The following KANK1 variants were observed in gnomAD, a reference collection of about 807,000 sequenced individuals.
KANK1 encodes KN motif and ankyrin repeat domains 1.
Under a neutral mutation model 106.2 loss-of-function variants are expected in KANK1, and 109 were observed. The ratio of observed to expected loss-of-function variants is 1.03; its 90% confidence interval spans 0.88 to 1.20. KANK1 has a LOEUF of 1.20. Ranked by LOEUF, KANK1 falls within the 50% of genes most tolerant of loss-of-function variation. KANK1 has a pLI of 0.00. For missense variants in KANK1, 2,399 were observed against 1,710.7 expected (o/e 1.40, Z -7.10); for synonymous variants, 873 against 652.2 (o/e 1.34, Z -5.16).
chr9:732,163 C>T, intron 5 of KANK1: 1 of 474,198 alleles, frequency 2.1e-6, no homozygotes, highest in Non-Finnish European at 3.8e-6. Flanking sequence ...TTACATGATA[C>T]CAATTGGTTA....
intron 1 of KANK1, among the ~76,000 whole-genome samples, chr9:589,541 G>GA (rs1824316783): frequency 6.6e-6 from 1 of 152,010 alleles, no homozygotes; most frequent in African/African-American, 2.4e-5. Context: ...GAGTCATAAA[G>GA]AAAGGGAAAA....
chr9:494,858 A>G (rs1022720120), intron 3 of KANK1, among the ~76,000 whole-genome samples: 2 of 151,980 alleles, frequency 1.3e-5, no homozygotes, highest in South Asian at 4.1e-4. Context: ...TTAGCTGGGC[A>G]GTGTAGTGAA....
At chr9:627,595 T>A (rs1588381142) in intron 1 of KANK1, among the ~76,000 whole-genome samples, 2 of 152,054 alleles carry the variant, frequency 1.3e-5, no homozygotes, top group Admixed American at 1.3e-4. Context: ...CCTTTTATCT[T>A]GTTTAATACA....
chr9:661,710 A>G (rs1320664433), intron 1 of KANK1, among the ~76,000 whole-genome samples: 4 of 152,166 alleles, frequency 2.6e-5, no homozygotes, highest in African/African-American at 4.8e-5. Context: ...ACTGTCTTTT[A>G]CAATGGTTGA....
chr9:730,214 C>G lies in KANK1; in HGVS notation c.2862C>G (p.Asn954Lys). ...PTQEGTLSPV[N>K]LTDDQIAAGL... ...AGGAAGGTACGCTGTCTCCAGTGAA[C>G]CTGACAGACGACCAGATCGCCGCTG... The change falls in exon 4 of 12, where the codon AAC becomes AAG. Residue 954 changes from asparagine to lysine, a missense_variant. Transcript: ENST00000382297. 6.2e-7 allele frequency: 1 copy of G among 1,614,192 alleles called. No individual in the cohort carries two copies. The highest frequency in any genetic ancestry group is 8.5e-7 in the Non-Finnish European group (1 of 1,180,032).
At chr9:481,404 C>G (rs2058201515) in intron 3 of KANK1, among the ~76,000 whole-genome samples, 1 of 152,194 alleles carries the variant, frequency 6.6e-6, no homozygotes, top group South Asian at 2.1e-4. Flanking sequence ...CTAGCAAATC[C>G]TTAAGCCTTC....
At chr9:656,509 G>T (rs1157557620) in intron 1 of KANK1, among the ~76,000 whole-genome samples, 1 of 152,068 alleles carries the variant, frequency 6.6e-6, no homozygotes, top group Non-Finnish European at 1.5e-5. Flanking sequence ...GCCTGTCATT[G>T]GTCAGTCTGT....
At chr9:580,714 G>A (rs1187930202) in intron 1 of KANK1, among the ~76,000 whole-genome samples, 4 of 152,254 alleles carry the variant, frequency 2.6e-5, no homozygotes, top group African/African-American at 9.6e-5. Flanking sequence ...TTCACCTAGT[G>A]GATCCCGCAC....
intron 1 of KANK1, among the ~76,000 whole-genome samples, chr9:613,327 A>G (rs1473174988): frequency 2.0e-5 from 3 of 151,016 alleles, no homozygotes; most frequent in Non-Finnish European, 4.4e-5. Context: ...AGCTGTAACA[A>G]TCGTTGCTGG....
chr9:661,577 A>G (rs182707510), intron 1 of KANK1, among the ~76,000 whole-genome samples: 8,092 of 152,026 alleles, frequency 0.053, 234 homozygotes, highest in African/African-American at 0.066. Flanking sequence ...TAGTGCCGCA[A>G]TAAACATACA....
At chr9:569,459 G>C (rs2134746621) in intron 1 of KANK1, among the ~76,000 whole-genome samples, 1 of 152,082 alleles carries the variant, frequency 6.6e-6, no homozygotes, top group East Asian at 1.9e-4. Flanking sequence ...ACCTGAGCTA[G>C]CACACTCGGC....
At chr9:631,230 G>C (rs996049670) in intron 1 of KANK1, among the ~76,000 whole-genome samples, 15 of 152,114 alleles carry the variant, frequency 9.9e-5, no homozygotes, top group African/African-American at 3.6e-4. Context: ...ATATAGTACA[G>C]CCTATGCCCA....
chr9:649,542 G>C (rs1840425408), intron 1 of KANK1, among the ~76,000 whole-genome samples: 1 of 152,210 alleles, frequency 6.6e-6, no homozygotes, highest in South Asian at 2.1e-4. Context: ...TAAGTAAGTA[G>C]TGCCTGATTA....
rs146164167 is a variant in KANK1 at position 676,599 on chromosome 9, G to A, written c.-83-291G>A. On this transcript the variant is annotated intron_variant, in intron 1 of 11. Coordinates refer to ENST00000382297, the MANE Select transcript of KANK1 (RefSeq NM_015158.5). ...AGTGCTACACATTAGGAAGTCATTT[G>A]TATTTGGTGACCACTTTCCTAAAAT... 4.2e-3 allele frequency among the ~76,000 whole-genome samples: 637 copies of A among 152,288 alleles called. 3 individuals are homozygous for A. The highest frequency in any genetic ancestry group is 6.8e-3 in the Middle Eastern group (2 of 294).
chr9:684,761 T>G (rs1389762719), intron 2 of KANK1, among the ~76,000 whole-genome samples: 1 of 152,164 alleles, frequency 6.6e-6, no homozygotes, highest in Non-Finnish European at 1.5e-5. Flanking sequence ...TGTATGGGCT[T>G]AGAGGAAAAT....
intron 3 of KANK1, among the ~76,000 whole-genome samples, chr9:476,245 G>T (rs2058100281): frequency 2.6e-5 from 4 of 152,158 alleles, no homozygotes. Context: ...GTTAGGCCGG[G>T]CGTGGTGGCT....
intron 2 of KANK1, among the ~76,000 whole-genome samples, chr9:695,203 G>C (rs1017090718): frequency 6.6e-6 from 1 of 152,088 alleles, no homozygotes; most frequent in Non-Finnish European, 1.5e-5. Flanking sequence ...AGGTGCTCTG[G>C]GTGGCTTAAA....
chr9:582,693 G>T (rs898132880), intron 1 of KANK1, among the ~76,000 whole-genome samples: 2 of 152,160 alleles, frequency 1.3e-5, no homozygotes, highest in African/African-American at 4.8e-5. Context: ...GGCAAAGCTT[G>T]CACACAACTT....
rs2061339328 is a variant in KANK1 at position 552,412 on chromosome 9, C to T, written c.-84+47658C>T. On this transcript the variant is annotated intron_variant, in intron 1 of 11. Transcript: ENST00000382297. ...TATGAAGGCCGCACACCCTCATCTC[C>T]TCAGCAGTTGTTAAACAATATTTGA... Among the ~76,000 whole-genome samples, 6 of 152,324 alleles carry T rather than the reference C, an allele frequency of 3.9e-5. 1 individual carries two copies. The South Asian group carries it at 1.0e-3, about 26-fold the overall frequency.
Sources: gnomAD v4.1 joint callset for allele counts (sites outside exome capture counted in the v4.1 genomes callset) on GRCh38, gnomAD v4.1.1 for gene constraint, MANE v1.5 for transcripts, NCBI Gene and HGNC (gene_info 2026-07-23, HGNC 2026-07-21) for gene names.